ADGRG4: variants seen among roughly 807,000 people sequenced by gnomAD.
ADGRG4 encodes the protein G protein-coupled receptor 112.
In ADGRG4, 122 loss-of-function variants were observed where a neutral mutation model predicts 126.2. The ratio of observed to expected loss-of-function variants is 0.97; its 90% confidence interval spans 0.83 to 1.12. The LOEUF (loss-of-function observed/expected upper bound fraction) is 1.12, where lower values mean the gene tolerates loss of function less well. Among genes scored for constraint, ADGRG4 ranks in the 50% most tolerant of loss-of-function variants. The pLI is 0.00. For missense variants in ADGRG4, 2,481 were observed against 2,251.8 expected, an observed-to-expected ratio of 1.10 and a Z score of -2.06; for synonymous variants, 943 against 838.7, an observed-to-expected ratio of 1.12 and a Z score of -2.15.
intron 5 of ADGRG4, among the ~76,000 whole-genome samples, chrX:136,339,004 G>A (rs746405329): frequency 9.1e-6 from 1 of 109,783 alleles, no homozygotes; most frequent in Admixed American, 9.6e-5. Context: ...GGTGCTTCTT[G>A]GGTGGGGAGC....
At chrX:136,396,092 G>T (rs898973148) in intron 19 of ADGRG4, among the ~76,000 whole-genome samples, 1 of 110,302 alleles carries the variant, frequency 9.1e-6, no homozygotes, top group Admixed American at 9.7e-5. Flanking sequence ...AAGTATTTTT[G>T]CAGGATAAGT....
At chrX:136,403,422 A>C in intron 22 of ADGRG4, 100 bp downstream of exon 22, 1 of 623,869 alleles carries the variant, frequency 1.6e-6, no homozygotes, top group Non-Finnish European at 2.5e-6. Context: ...CCTTGGCTTC[A>C]GGAAGAAATC....
At position 136,347,511 on chromosome X, in the gene ADGRG4, C is replaced by T. The variant is rs2075026692; in HGVS notation, c.3805C>T (p.Pro1269Ser). The T allele has an allele frequency of 8.3e-7, 1 of 1,208,371 alleles. No homozygotes were observed. Among genetic ancestry groups the T allele is most frequent in the African/African-American group, 1.7e-5 (1 of 57,244 alleles). Reference protein sequence around the residue: ...DQMTISLGKTPRTMEVTEMSP... With the variant: ...DQMTISLGKTSRTMEVTEMSP... ...GATGACCATATCCCTGGGAAAAACC[C>T]CTAGAACTATGGAGGTGACAGAAAT... Residue 1269 changes from proline (P) to serine (S), a missense_variant, in exon 6 of 26, where the codon CCT (proline) becomes TCT (serine). By Grantham distance (74) the Pro-to-Ser change is moderately conservative. Coordinates refer to ENST00000394143, the MANE Select transcript of ADGRG4 (RefSeq NM_153834.4).
intron 4 of ADGRG4, among the ~76,000 whole-genome samples, chrX:136,321,328 G>A (rs1275730559): frequency 2.7e-5 from 3 of 111,986 alleles, no homozygotes; most frequent in Non-Finnish European, 5.6e-5. Context: ...GAATGTATAT[G>A]AGTGTGTGTG....
intron 5 of ADGRG4, among the ~76,000 whole-genome samples, chrX:136,339,574 G>T: frequency 8.9e-6 from 1 of 112,352 alleles, no homozygotes; most frequent in Middle Eastern, 4.6e-3. Context: ...ACTGACTTCT[G>T]TTTCTAGGTT....
rs763120362 is a variant in ADGRG4 at position 136,346,763 on chromosome X, T to C, written c.3057T>C (p.Val1019=). The change falls in exon 6 of 26, where the codon GTT becomes GTC. Residue 1019 remains valine, a synonymous_variant. Coordinates refer to ENST00000394143, the MANE Select transcript of ADGRG4 (RefSeq NM_153834.4). ...VPVTHMFSLP[V]NGSSVVAEET... Reference sequence around the variant, plus strand: ...TTACTCATATGTTCTCATTGCCAGTTAATGGCAGTTCTGTGGTGGCTGAGG... The same window carrying C: ...TTACTCATATGTTCTCATTGCCAGTCAATGGCAGTTCTGTGGTGGCTGAGG... 7 of 1,208,632 alleles carry C rather than the reference T, an allele frequency of 5.8e-6. No homozygotes were observed. The Admixed American group carries it at 1.3e-4, about 23-fold the overall frequency.
chrX:136,353,187 C>T lies in ADGRG4; in HGVS notation c.6823-150C>T, dbSNP rs180744200. Reference sequence around the variant, plus strand: ...ATTCAGCCCATAATAGCAGGTAAAACGTAAATGGAAAAACTTAATGGAGCA... The same window carrying T: ...ATTCAGCCCATAATAGCAGGTAAAATGTAAATGGAAAAACTTAATGGAGCA... On this transcript the variant is annotated intron_variant, in intron 7 of 25. Coordinates refer to ENST00000394143, the MANE Select transcript of ADGRG4 (RefSeq NM_153834.4). 1.5e-4 allele frequency: 69 copies of T among 458,622 alleles called. No individual in the cohort carries two copies. The East Asian group carries it at 2.0e-3, about 13-fold the overall frequency. The allele number at this position is 458,622 out of a possible 1,213,427, so 37.8% of individuals were successfully genotyped here.
At chrX:136,333,166 TA>T (rs2074924390) in intron 5 of ADGRG4, among the ~76,000 whole-genome samples, 1 of 111,549 alleles carries the variant, frequency 9.0e-6, no homozygotes, top group Non-Finnish European at 1.9e-5. Context: ...ATCCCTTCCT[TA>T]CACCTTATAC....
Position 136,348,063 on chromosome X carries a change from T to C in ADGRG4, c.4357T>C (p.Ser1453Pro). The C allele has an allele frequency of 1.7e-6, 2 of 1,208,365 alleles. No individual in the cohort carries two copies. Among genetic ancestry groups the C allele is most frequent in the South Asian group, 1.8e-5 (1 of 56,903 alleles). The change falls in exon 6 of 26, where the codon TCT becomes CCT. Residue 1453 changes from serine (S) to proline (P), a missense_variant. Coordinates refer to ENST00000394143, the MANE Select transcript of ADGRG4 (RefSeq NM_153834.4). ...ACAACCTGAGGTGACTTCAGTTGCC[T>C]CTTTCATTTCTGAAAGCACACAGAC... Reference protein sequence around the residue: ...RTQPEVTSVASFISESTQTFP... With the variant: ...RTQPEVTSVAPFISESTQTFP...
At chrX:136,331,160 G>T (rs2074907364) in intron 5 of ADGRG4, among the ~76,000 whole-genome samples, 2 of 112,067 alleles carry the variant, frequency 1.8e-5, no homozygotes, top group South Asian at 7.4e-4. Context: ...CATCCATGTT[G>T]TTGCAAATGA....
intron 12 of ADGRG4, 133 bp downstream of exon 12, chrX:136,361,720 C>T: frequency 5.3e-6 from 2 of 377,274 alleles, no homozygotes; most frequent in African/African-American, 5.2e-5. Context: ...TTTCTATTAC[C>T]TTTCGTACCT....
chrX:136,410,360 A>G (rs990140698), intron 23 of ADGRG4, among the ~76,000 whole-genome samples: 1 of 111,436 alleles, frequency 9.0e-6, no homozygotes, highest in African/African-American at 3.3e-5. Context: ...CAAACTGAAC[A>G]TGGTGCTGGT....
chrX:136,403,678 A>T (rs17002621), intron 22 of ADGRG4, among the ~76,000 whole-genome samples: 1,705 of 112,433 alleles, frequency 0.015, 32 homozygotes, highest in African/African-American at 0.052. Flanking sequence ...AAGCTCACAC[A>T]TCAGGTCATT....
At chrX:136,356,615 T>C (rs765724542) in intron 9 of ADGRG4, among the ~76,000 whole-genome samples, 1 of 112,032 alleles carries the variant, frequency 8.9e-6, no homozygotes, top group East Asian at 2.8e-4. Context: ...AGCTTTACAA[T>C]AGCACACTCT....
intron 11 of ADGRG4, among the ~76,000 whole-genome samples, 177 bp downstream of exon 11, chrX:136,359,632 T>G (rs1211356712): frequency 1.8e-5 from 2 of 110,709 alleles, no homozygotes; most frequent in Non-Finnish European, 3.8e-5. Context: ...TTTAAGAACT[T>G]ATGGAAGAAC....
intron 5 of ADGRG4, among the ~76,000 whole-genome samples, chrX:136,340,838 C>G (rs1172346648): frequency 9.0e-6 from 1 of 111,666 alleles, no homozygotes; most frequent in African/African-American, 3.2e-5. Flanking sequence ...CAAGTCCTGG[C>G]TCTAAAATTC....
chrX:136,302,919 C>T (rs1237114241), intron 1 of ADGRG4, among the ~76,000 whole-genome samples: 2 of 111,530 alleles, frequency 1.8e-5, no homozygotes, highest in African/African-American at 6.5e-5. Context: ...GATGAGGAAG[C>T]TGAGGCAGTG....
At chrX:136,378,394 A>T (rs989900499) in intron 15 of ADGRG4, among the ~76,000 whole-genome samples, 3 of 111,356 alleles carry the variant, frequency 2.7e-5, no homozygotes, top group African/African-American at 9.8e-5. Flanking sequence ...TGTTTTAGAG[A>T]TTCCTTAGAA....
chrX:136,326,369 AT>A (rs1439192166), intron 5 of ADGRG4, among the ~76,000 whole-genome samples: 8 of 112,194 alleles, frequency 7.1e-5, no homozygotes, highest in African/African-American at 2.6e-4. Flanking sequence ...TGTGCCAGGC[AT>A]TTTATACAAA....
Sources: gnomAD v4.1 joint callset for allele counts (sites outside exome capture counted in the v4.1 genomes callset) on GRCh38, gnomAD v4.1.1 for gene constraint, MANE v1.5 for transcripts, NCBI Gene and HGNC (gene_info 2026-07-23, HGNC 2026-07-21) for gene names.